Variants in MAGI2 observed in about 807,000 individuals in gnomAD.
MAGI2 encodes the protein membrane associated guanylate kinase, WW and PDZ domain containing 2.
Under a neutral mutation model 133.3 loss-of-function variants are expected in MAGI2, and 35 were observed. The ratio of observed to expected loss-of-function variants is 0.26; its 90% CI spans 0.20 to 0.35. The LOEUF is 0.35. MAGI2 is among the 10% of genes least tolerant of loss of function. The probability of loss-of-function intolerance (pLI) is 1.00; values close to 1 mark genes in which losing one functional copy is unlikely to be tolerated. For missense variants in MAGI2, 1,636 were observed against 1,863.4 expected (o/e 0.88, Z 2.25); for synonymous variants, 729 against 710.6 (o/e 1.03, Z -0.41).
At chr7:79,368,882 T>C (rs977340441) in intron 1 of MAGI2, among the ~76,000 whole-genome samples, 4 of 147,690 alleles carry the variant, frequency 2.7e-5, no homozygotes, top group Admixed American at 6.7e-5. Context: ...AAAAAGTCTA[T>C]TGTAAAATCT....
chr7:78,631,763 T>G (rs554589111), intron 2 of MAGI2, among the ~76,000 whole-genome samples: 1 of 152,292 alleles, frequency 6.6e-6, no homozygotes, highest in South Asian at 2.1e-4. Context: ...ACCTAAAATT[T>G]CCACCATTAG....
chr7:78,475,994 T>TC (rs1219818007), intron 6 of MAGI2, among the ~76,000 whole-genome samples: 1 of 151,906 alleles, frequency 6.6e-6, no homozygotes, highest in African/African-American at 2.4e-5. Flanking sequence ...ACTCTCCTCT[T>TC]CATTTTTGAG....
intron 3 of MAGI2, among the ~76,000 whole-genome samples, chr7:78,528,976 G>C (rs531112065): frequency 6.6e-6 from 1 of 151,930 alleles, no homozygotes; most frequent in African/African-American, 2.4e-5. Flanking sequence ...ACAAAAAGTG[G>C]GAATGTTTGT....
chr7:78,557,290 T>C (rs1182592388), intron 3 of MAGI2, among the ~76,000 whole-genome samples: 1 of 152,094 alleles, frequency 6.6e-6, no homozygotes, highest in Non-Finnish European at 1.5e-5. Flanking sequence ...ATGTACTGTA[T>C]ATATCTTGCC....
At chr7:78,411,308 T>C (rs1797853101) in intron 6 of MAGI2, among the ~76,000 whole-genome samples, 1 of 152,040 alleles carries the variant, frequency 6.6e-6, no homozygotes, top group Non-Finnish European at 1.5e-5. Flanking sequence ...TTGAATTCAG[T>C]TTCAGAAGAT....
chr7:78,429,169 A>G (rs1055780243), intron 6 of MAGI2, among the ~76,000 whole-genome samples: 6 of 152,134 alleles, frequency 3.9e-5, no homozygotes, highest in African/African-American at 1.2e-4. Flanking sequence ...GGTACTTCAA[A>G]AACCACAAGT....
At chr7:78,046,202 C>A (rs918300273) in intron 21 of MAGI2, among the ~76,000 whole-genome samples, 1 of 149,774 alleles carries the variant, frequency 6.7e-6, no homozygotes, top group Admixed American at 6.7e-5. Context: ...TTGAGACCAG[C>A]CTGGTCAAAG....
chr7:78,253,813 T>C (rs1792682197), intron 10 of MAGI2: 3 of 152,188 alleles, frequency 2.0e-5, no homozygotes, highest in South Asian at 4.1e-4. Context: ...CGACCACCCA[T>C]GGTCCTGATA....
chr7:78,867,146 T>G (rs1794629980), intron 2 of MAGI2, among the ~76,000 whole-genome samples: 1 of 150,032 alleles, frequency 6.7e-6, no homozygotes. Flanking sequence ...TCCTCAGGGA[T>G]CTAGAACTAG....
rs1278789793 is a variant in MAGI2 at position 79,453,610 on chromosome 7, T to TAGGCGG, written c.-291_-290insCCGCCT. The TAGGCGG allele has an allele frequency of 3.9e-6, 4 of 1,012,968 alleles. No homozygotes were observed. In the East Asian group the frequency reaches 2.6e-4, roughly 65 times the overall value. 62.7% of individuals were successfully genotyped at this position (1,012,968 alleles called of 1,614,324 possible). On this transcript the variant is annotated 5_prime_UTR_variant, in exon 1 of 22. Coordinates refer to ENST00000354212, the MANE Select transcript of MAGI2 (RefSeq NM_012301.4). ...AGCAGAGGAAGCAGTGGTGGTGGCG[T>TAGGCGG]CGGCGGCGGCGGCGGCGGCAGCCGG...
chr7:78,494,031 C>A (rs1793865494), intron 5 of MAGI2, among the ~76,000 whole-genome samples: 1 of 151,928 alleles, frequency 6.6e-6, no homozygotes, highest in East Asian at 1.9e-4. Flanking sequence ...GGCAGGAGTG[C>A]AATGGCATGA....
chr7:78,471,583 C>T (rs750280462), intron 6 of MAGI2, among the ~76,000 whole-genome samples: 12 of 151,956 alleles, frequency 7.9e-5, no homozygotes, highest in Non-Finnish European at 1.3e-4. Context: ...TCTTCCATAT[C>T]GGAGTCTAAA....
chr7:79,055,361 A>T (rs1813059782), intron 1 of MAGI2, among the ~76,000 whole-genome samples: 1 of 151,936 alleles, frequency 6.6e-6, no homozygotes, highest in South Asian at 2.1e-4. Context: ...TACTCAATTG[A>T]TAGTTGTTTC....
intron 9 of MAGI2, among the ~76,000 whole-genome samples, chr7:78,283,950 A>G (rs545178453): frequency 6.6e-6 from 1 of 152,262 alleles, no homozygotes; most frequent in African/African-American, 2.4e-5. Flanking sequence ...TCTGCATGTT[A>G]AAACTCAGGA....
At chr7:78,184,306 T>A (rs997433549) in intron 13 of MAGI2, 5 of 152,234 alleles carry the variant, frequency 3.3e-5, no homozygotes, top group African/African-American at 4.8e-5. Flanking sequence ...AGAGGAATAA[T>A]CATGCTGTAA....
intron 6 of MAGI2, among the ~76,000 whole-genome samples, chr7:78,436,661 T>C (rs1365755011): frequency 6.6e-6 from 1 of 152,236 alleles, no homozygotes; most frequent in Non-Finnish European, 1.5e-5. Flanking sequence ...TGATCCCATC[T>C]GGCAGCACAG....
chr7:78,677,259 T>C (rs928887779), intron 2 of MAGI2, among the ~76,000 whole-genome samples: 1 of 151,700 alleles, frequency 6.6e-6, no homozygotes, highest in Non-Finnish European at 1.5e-5. Context: ...CTGGCTCTAC[T>C]AAGTCTCTTA....
At chr7:78,060,613 C>A (rs892039988) in intron 21 of MAGI2, among the ~76,000 whole-genome samples, 1 of 152,152 alleles carries the variant, frequency 6.6e-6, no homozygotes, top group East Asian at 1.9e-4. Context: ...CTGAGAGATC[C>A]CTTCTGATTG....
At chr7:78,120,514 A>G (rs1820329324) in intron 20 of MAGI2, among the ~76,000 whole-genome samples, 1 of 152,208 alleles carries the variant, frequency 6.6e-6, no homozygotes, top group African/African-American at 2.4e-5. Context: ...TGGGGGAGAG[A>G]AAGTTTCCCC....
Sources: allele counts gnomAD v4.1 joint callset (sites outside exome capture counted in the v4.1 genomes callset), GRCh38; gene constraint gnomAD v4.1.1; transcripts MANE v1.5; gene names NCBI Gene and HGNC (gene_info 2026-07-23, HGNC 2026-07-21).